Variants in SNX31 observed in about 807,000 individuals in gnomAD.
SNX31 encodes sorting nexin 31, also known as sorting nexin-31.
A neutral mutation model predicts 65.4 loss-of-function variants in SNX31; 58 were observed. The ratio of observed to expected loss-of-function variants is 0.89; its 90% CI spans 0.72 to 1.10. SNX31 has a LOEUF of 1.10. Among genes scored for constraint, SNX31 ranks in the 50% least tolerant of loss-of-function variants. SNX31 has a pLI of 0.00. For synonymous variants in SNX31, 181 were observed against 190.1 expected, an observed-to-expected ratio of 0.95 and a Z score of 0.39; for missense variants, 523 against 529.7, an observed-to-expected ratio of 0.99 and a Z score of 0.12.
At chr8:100,601,024 A>G (rs2509760) in intron 8 of SNX31, among the ~76,000 whole-genome samples, 80,323 of 152,120 alleles carry the variant, frequency 0.53, 25,346 homozygotes, top group African/African-American at 0.89. Context: ...TTGACAAAAT[A>G]GAGTTCCAAA....
chr8:100,607,793 T>A (rs1197036917), intron 8 of SNX31, among the ~76,000 whole-genome samples: 1 of 152,166 alleles, frequency 6.6e-6, no homozygotes, highest in Non-Finnish European at 1.5e-5. Context: ...ATATACCTAC[T>A]ATGTACCAAT....
chr8:100,617,034 C>G (rs188826285), intron 5 of SNX31, among the ~76,000 whole-genome samples: 1 of 152,212 alleles, frequency 6.6e-6, no homozygotes, highest in East Asian at 1.9e-4. Context: ...CCCCACTCAG[C>G]AGATGGAAAA....
upstream of SNX31, chr8:100,649,752 T>C (rs1819904035): frequency 6.9e-6 from 3 of 434,682 alleles, no homozygotes; most frequent in Admixed American, 4.6e-5. Flanking sequence ...AGGTGGCGCC[T>C]GGGGCTGGGG....
At chr8:100,605,106 C>G (rs1236924707) in intron 8 of SNX31, among the ~76,000 whole-genome samples, 16 of 152,078 alleles carry the variant, frequency 1.1e-4, no homozygotes, top group Admixed American at 1.0e-3. Context: ...ACCATGTTAA[C>G]CAGGCTGGTC....
At chr8:100,656,622 C>T (rs1275548301) in intron 1 of SNX31, among the ~76,000 whole-genome samples, 1 of 103,738 alleles carries the variant, frequency 9.6e-6, no homozygotes, top group Non-Finnish European at 1.7e-5. Context: ...GCCTGGGCAA[C>T]AGAGTGAGAC....
intron 10 of SNX31, among the ~76,000 whole-genome samples, chr8:100,589,313 A>AG (rs1814361443): frequency 6.6e-6 from 1 of 151,996 alleles, no homozygotes. Flanking sequence ...AAAAAAAAAA[A>AG]AAAAAGCCCA....
chr8:100,580,172 A>C (rs905516679), intron 12 of SNX31, among the ~76,000 whole-genome samples: 6 of 152,088 alleles, frequency 3.9e-5, no homozygotes, highest in South Asian at 2.1e-4. Context: ...AAAAAAAAAA[A>C]AAAAACAGTC....
intron 2 of SNX31, among the ~76,000 whole-genome samples, chr8:100,638,110 G>GC (rs1412222078): frequency 6.6e-6 from 1 of 152,148 alleles, no homozygotes; most frequent in African/African-American, 2.4e-5. Flanking sequence ...TTCAAGGCTA[G>GC]CCACTGCCCT....
At chr8:100,608,995 G>A (rs925692150) in intron 7 of SNX31, among the ~76,000 whole-genome samples, 12 of 152,076 alleles carry the variant, frequency 7.9e-5, no homozygotes, top group Non-Finnish European at 1.8e-4. Flanking sequence ...TCCTTTCCAG[G>A]CTTTCTGTCT....
At position 100,618,417 on chromosome 8, in the gene SNX31, GTTT is replaced by G. The variant is rs1308334857; in HGVS notation, c.322-690_322-688del. 8.8e-6 allele frequency: 10 copies of G among 1,132,178 alleles called. No individual in the cohort carries two copies. The Admixed American group carries it at 1.7e-4, about 19-fold the overall frequency. 70.1% of individuals were successfully genotyped at this position (1,132,178 alleles called of 1,614,324 possible). A position where few individuals can be genotyped will look rare whatever the true frequency, so the allele number is the denominator to read the frequency against. On this transcript the variant is annotated intron_variant, in intron 4 of 13. Coordinates refer to ENST00000311812, the MANE Select transcript of SNX31 (RefSeq NM_152628.4). ...TTGTGGGTGGGGGCAGGGGGAAGGTGTTTCCATGTAGCAACCAATTCTCCAGTT... is the reference window on the plus strand; with the variant it reads ...TTGTGGGTGGGGGCAGGGGGAAGGTGCCATGTAGCAACCAATTCTCCAGTT...
At chr8:100,658,592 C>T (rs1290940907) in intron 1 of SNX31, among the ~76,000 whole-genome samples, 2 of 152,336 alleles carry the variant, frequency 1.3e-5, no homozygotes, top group Admixed American at 1.3e-4. Context: ...ATAGGTACTA[C>T]TGTTTGCACT....
intron 12 of SNX31, among the ~76,000 whole-genome samples, chr8:100,579,830 GA>G (rs1399780201): frequency 1.3e-5 from 2 of 152,076 alleles, no homozygotes; most frequent in East Asian, 3.8e-4. Flanking sequence ...AAAACAAAGG[GA>G]AAATATACAA....
intron 4 of SNX31, chr8:100,619,993 A>T (rs1817566319): frequency 6.6e-6 from 1 of 152,110 alleles, no homozygotes; most frequent in South Asian, 2.1e-4. Flanking sequence ...ATACACCTGA[A>T]TTTGTGTTGC....
intron 4 of SNX31, chr8:100,618,518 C>A (rs1817432925): frequency 1.6e-6 from 1 of 610,020 alleles, no homozygotes; most frequent in African/African-American, 1.9e-5. Context: ...GGCATCAGAT[C>A]CCTCACGTTT....
intron 4 of SNX31, chr8:100,619,918 C>T (rs186212090): frequency 6.6e-6 from 1 of 152,238 alleles, no homozygotes; most frequent in East Asian, 1.9e-4. Context: ...ATACTAGTCA[C>T]ACAGTGCAGG....
chr8:100,593,979 C>A (rs1814827655), intron 10 of SNX31, among the ~76,000 whole-genome samples: 1 of 152,076 alleles, frequency 6.6e-6, no homozygotes, highest in African/African-American at 2.4e-5. Flanking sequence ...CATTTTTGAT[C>A]TGCAAAAGAC....
chr8:100,595,307 A>ATT (rs1715780623), intron 10 of SNX31, among the ~76,000 whole-genome samples: 3 of 141,466 alleles, frequency 2.1e-5, no homozygotes, highest in African/African-American at 9.2e-5. Flanking sequence ...GATAGAGGGA[A>ATT]TTTGTTGTTT....
At chr8:100,584,631 ATAAAAGTAACTGGTT>A (rs1452298475) in intron 11 of SNX31, among the ~76,000 whole-genome samples, 1 of 152,098 alleles carries the variant, frequency 6.6e-6, no homozygotes, top group Non-Finnish European at 1.5e-5. Flanking sequence ...TCTACTGGGC[ATAAAAGTAACTGGTT>A]TGTTTGAAGG....
rs972190737 is a variant in SNX31 at position 100,610,848 on chromosome 8, A to G, written c.611+1152T>C. On this transcript the variant is annotated intron_variant, in intron 7 of 13. Transcript: ENST00000311812. This position sits in a 1 kb window ranked among gnomAD's most constrained non-coding sequence, Gnocchi z 4.0. ...TCTAGAGCAAGGCATCACAAGGTCA[A>G]GGGAATTCTTAGATTTCAAAATACC... 8.5e-5 allele frequency among the ~76,000 whole-genome samples: 13 copies of G among 152,236 alleles called. No homozygotes were observed. Among genetic ancestry groups the G allele is most frequent in the African/African-American group, 2.9e-4 (12 of 41,462 alleles).
Sources: allele counts gnomAD v4.1 joint callset (sites outside exome capture counted in the v4.1 genomes callset), GRCh38; gene constraint gnomAD v4.1.1; non-coding constraint Gnocchi (gnomAD v3.1); transcripts MANE v1.5; gene names NCBI Gene and HGNC (gene_info 2026-07-23, HGNC 2026-07-21).